Variants in PTPRA observed in about 807,000 individuals in gnomAD.
PTPRA encodes protein tyrosine phosphatase receptor type A.
Under a neutral mutation model 104.8 loss-of-function variants are expected in PTPRA, and 25 were observed. That is an observed-to-expected ratio of 0.24 (90% CI 0.17 to 0.33). PTPRA has a LOEUF of 0.33. PTPRA is among the 10% of genes least tolerant of loss of function. The probability of loss-of-function intolerance (pLI) is 1.00; values close to 1 mark genes in which losing one functional copy is unlikely to be tolerated. For synonymous variants in PTPRA, 323 were observed against 368.9 expected, an observed-to-expected ratio of 0.88 and a Z score of 1.43; for missense variants, 765 against 1,015.3, an observed-to-expected ratio of 0.75 and a Z score of 3.35.
At chr20:3,005,210 A>C in intron 10 of PTPRA, 64 bp downstream of exon 10, 4 of 1,466,742 alleles carry the variant, frequency 2.7e-6, no homozygotes, top group Non-Finnish European at 3.8e-6. Context: ...GATTTTCTGA[A>C]GATGGAAAGA....
intron 1 of PTPRA, among the ~76,000 whole-genome samples, chr20:2,888,235 A>C (rs1383004036): frequency 1.3e-5 from 2 of 152,098 alleles, no homozygotes; most frequent in Admixed American, 1.3e-4. Context: ...TCTCAATATG[A>C]CTGACATGGT....
chr20:2,919,364 G>A (rs549772071), intron 1 of PTPRA, among the ~76,000 whole-genome samples: 5 of 152,154 alleles, frequency 3.3e-5, no homozygotes, highest in South Asian at 4.2e-4. Flanking sequence ...AAAAAGAAAC[G>A]GATGCCTTAG....
intron 1 of PTPRA, among the ~76,000 whole-genome samples, chr20:2,891,748 T>TC (rs200131912): frequency 0.02 from 3,088 of 151,642 alleles, 70 homozygotes; most frequent in African/African-American, 0.052. Flanking sequence ...GATTCCAGGA[T>TC]CCCCCCCATG....
chr20:2,916,381 A>G (rs1392918149), intron 1 of PTPRA, among the ~76,000 whole-genome samples: 1 of 152,176 alleles, frequency 6.6e-6, no homozygotes, highest in African/African-American at 2.4e-5. Flanking sequence ...GTAAGGATTC[A>G]TTCTTTTGCA....
At chr20:2,920,494 C>G (rs2147338370) in intron 1 of PTPRA, among the ~76,000 whole-genome samples, 1 of 152,276 alleles carries the variant, frequency 6.6e-6, no homozygotes, top group East Asian at 1.9e-4. Context: ...GAAAGCTCCC[C>G]CAGCAACTCT....
Position 2,873,658 on chromosome 20 carries a change from C to T in PTPRA, c.-231C>T, listed in dbSNP as rs1175447334. The T allele has an allele frequency of 1.3e-5, 2 of 150,410 alleles. No individual in the cohort carries two copies. Among genetic ancestry groups the T allele is most frequent in the Admixed American group, 1.3e-4 (2 of 15,116 alleles). The allele number at this position is 150,410 out of a possible 1,614,324, so 9.3% of individuals were successfully genotyped here. A position where few individuals can be genotyped will look rare whatever the true frequency, so the allele number is the denominator to read the frequency against. On this transcript the variant is annotated 5_prime_UTR_variant, in exon 1 of 24. Transcript: ENST00000399903. This position sits in a 1 kb window ranked among gnomAD's most constrained non-coding sequence, Gnocchi z 4.4. ...CGCCGCGGGGCTCGGAGCCGCGGGCCGGGCGGCGGCCCTGAGGGCTAGTGG... is the reference window on the plus strand; with the variant it reads ...CGCCGCGGGGCTCGGAGCCGCGGGCTGGGCGGCGGCCCTGAGGGCTAGTGG...
At chr20:2,958,778 C>T (rs904633475) in intron 3 of PTPRA, among the ~76,000 whole-genome samples, 52 of 140,280 alleles carry the variant, frequency 3.7e-4, no homozygotes, top group East Asian at 8.7e-4. Context: ...ACCTAGGAGG[C>T]GGAGGTGGCA....
At chr20:2,886,500 A>C (rs2090392720) in intron 1 of PTPRA, among the ~76,000 whole-genome samples, 1 of 152,126 alleles carries the variant, frequency 6.6e-6, no homozygotes, top group African/African-American at 2.4e-5. Flanking sequence ...ATTAAAAGAG[A>C]AACCACTGTA....
intron 1 of PTPRA, among the ~76,000 whole-genome samples, chr20:2,892,918 G>A (rs2058856496): frequency 6.6e-6 from 1 of 152,192 alleles, no homozygotes; most frequent in African/African-American, 2.4e-5. Context: ...AAGGGATTAA[G>A]ACTTTCTGTG....
At chr20:3,002,938 T>A (rs2063702680) in intron 9 of PTPRA, among the ~76,000 whole-genome samples, 1 of 152,132 alleles carries the variant, frequency 6.6e-6, no homozygotes, top group African/African-American at 2.4e-5. Flanking sequence ...CTGCACTGAT[T>A]TTCGGTTCCT....
At chr20:2,924,862 A>T (rs538138158) in intron 2 of PTPRA, among the ~76,000 whole-genome samples, 1 of 151,936 alleles carries the variant, frequency 6.6e-6, no homozygotes, top group African/African-American at 2.4e-5. Context: ...TGTATTTTTA[A>T]TAGAGACAGA....
rs1468225257 is a variant in PTPRA, at chr20:2,948,780, T to C, written c.-7+756T>C. Among the ~76,000 whole-genome samples, 3 of 152,064 alleles carry C rather than the reference T, an allele frequency of 2.0e-5. No homozygotes were observed. In the East Asian group the frequency reaches 5.8e-4, roughly 29 times the overall value. ...TCCTGGCTAACACAGTGAAACCCTG[T>C]CTGTACTAAAAATAGAAAAAAATTA... On this transcript the variant is annotated intron_variant, in intron 3 of 23. Transcript: ENST00000399903.
chr20:3,022,955 G>C lies in PTPRA; in HGVS notation c.1464+131G>C. 4.3e-6 allele frequency: 6 copies of C among 1,406,482 alleles called. No homozygotes were observed. Among genetic ancestry groups the C allele is most frequent in the Non-Finnish European group, 5.8e-6 (6 of 1,039,718 alleles). 87.1% of individuals were successfully genotyped at this position (1,406,482 alleles called of 1,614,324 possible). A position where few individuals can be genotyped will look rare whatever the true frequency, so the allele number is the denominator to read the frequency against. ...AGAGTGTGATTGTGGGGGAAAGAAA[G>C]ATAGATCACACTGTTACCGTGTCTA... is the stretch of plus-strand genomic sequence containing the variant. On this transcript the variant is annotated intron_variant, in intron 16 of 23. Coordinates refer to ENST00000399903, the MANE Select transcript of PTPRA (RefSeq NM_001385305.1). The surrounding 1 kb of genome is among the most constrained non-coding windows in gnomAD (Gnocchi z 4.6).
chr20:2,999,568 C>A (rs2063542429), intron 9 of PTPRA, among the ~76,000 whole-genome samples: 1 of 152,190 alleles, frequency 6.6e-6, no homozygotes, highest in Non-Finnish European at 1.5e-5. Context: ...AAGTGGAAAC[C>A]TATTTATGAC....
chr20:2,923,776 C>A (rs2060187452), intron 2 of PTPRA, among the ~76,000 whole-genome samples: 1 of 151,944 alleles, frequency 6.6e-6, no homozygotes, highest in Non-Finnish European at 1.5e-5. Flanking sequence ...CCATTCTGGG[C>A]ACCAAAGAAT....
At chr20:2,953,401 G>T (rs548368958) in intron 3 of PTPRA, among the ~76,000 whole-genome samples, 1 of 150,722 alleles carries the variant, frequency 6.6e-6, no homozygotes, top group Non-Finnish European at 1.5e-5. Flanking sequence ...CTACAGGCGC[G>T]CGTTACCACG....
intron 1 of PTPRA, among the ~76,000 whole-genome samples, chr20:2,881,694 ATTG>A (rs2090059254): frequency 6.6e-6 from 1 of 152,044 alleles, no homozygotes; most frequent in African/African-American, 2.4e-5. Context: ...TTTTAAGTTT[ATTG>A]TTCTTATAAA....
chr20:3,016,967 G>T (rs537256185), intron 12 of PTPRA, among the ~76,000 whole-genome samples: 47 of 152,266 alleles, frequency 3.1e-4, no homozygotes, highest in African/African-American at 1.0e-3. Flanking sequence ...ACAATTTGGG[G>T]TTAAGGTATT....
intron 1 of PTPRA, among the ~76,000 whole-genome samples, chr20:2,899,168 C>T (rs992212809): frequency 6.6e-6 from 1 of 152,166 alleles, no homozygotes; most frequent in African/African-American, 2.4e-5. Context: ...AACCCCATCT[C>T]TACCAAAAAA....
Sources: allele counts gnomAD v4.1 joint callset (sites outside exome capture counted in the v4.1 genomes callset), GRCh38; gene constraint gnomAD v4.1.1; non-coding constraint Gnocchi (gnomAD v3.1); transcripts MANE v1.5; gene names NCBI Gene and HGNC (gene_info 2026-07-23, HGNC 2026-07-21).